The following FSTL5 variants were observed in gnomAD, a reference collection of about 807,000 sequenced individuals.
FSTL5 encodes the protein follistatin-related protein 5.
Under a neutral mutation model 89.1 loss-of-function variants are expected in FSTL5, and 62 were observed. The observed-to-expected ratio is 0.70, with a 90% CI of 0.57 to 0.86. The LOEUF (loss-of-function observed/expected upper bound fraction) is 0.86, where lower values mean the gene tolerates loss of function less well. Among genes scored for constraint, FSTL5 ranks in the 40% least tolerant of loss-of-function variants. The probability of loss-of-function intolerance (pLI) is 0.00; values close to 1 mark genes in which losing one functional copy is unlikely to be tolerated. For synonymous variants in FSTL5, 383 were observed against 346.2 expected (o/e 1.11, Z -1.18); for missense variants, 1,057 against 1,001.6 (o/e 1.06, Z -0.75).
chr4:161,412,457 A>C (rs1731626009), intron 15 of FSTL5, among the ~76,000 whole-genome samples: 1 of 151,888 alleles, frequency 6.6e-6, no homozygotes, highest in African/African-American at 2.4e-5. Context: ...CAATGAGAAC[A>C]CTTAGACACA....
At chr4:161,985,428 G>A (rs2116289) in intron 3 of FSTL5, among the ~76,000 whole-genome samples, 58,435 of 151,678 alleles carry the variant, frequency 0.39, 11,538 homozygotes, top group Middle Eastern at 0.56. Context: ...AGACAAATTT[G>A]TGATTTACCC....
At position 162,157,106 on chromosome 4, in the gene FSTL5, G is replaced by A. The variant is rs759570680; in HGVS notation, c.-17+6509C>T. 3.9e-4 allele frequency among the ~76,000 whole-genome samples: 59 copies of A among 152,162 alleles called. 1 individual carries two copies. The highest frequency in any genetic ancestry group is 7.9e-4 in the Non-Finnish European group (54 of 67,992). Reference sequence around the variant, plus strand: ...GTGCAAAGAATGTCAAAATAATTTTGTCTCAGTTTGGACAGTCTGGGTCAA... The same window carrying A: ...GTGCAAAGAATGTCAAAATAATTTTATCTCAGTTTGGACAGTCTGGGTCAA... On this transcript the variant is annotated intron_variant, in intron 1 of 15. Coordinates refer to ENST00000306100, the MANE Select transcript of FSTL5 (RefSeq NM_020116.5).
chr4:161,683,779 T>A (rs1348450588), intron 6 of FSTL5, among the ~76,000 whole-genome samples: 1 of 152,144 alleles, frequency 6.6e-6, no homozygotes, highest in Non-Finnish European at 1.5e-5. Context: ...TATTGGGGAA[T>A]GGGTGGTGTT....
chr4:161,458,253 C>T (rs183282605), intron 14 of FSTL5, among the ~76,000 whole-genome samples: 1 of 152,252 alleles, frequency 6.6e-6, no homozygotes, highest in Non-Finnish European at 1.5e-5. Flanking sequence ...AATTTTAAGA[C>T]CTCACATTCT....
chr4:161,671,494 GA>G (rs1737112603), intron 6 of FSTL5, among the ~76,000 whole-genome samples: 1 of 152,122 alleles, frequency 6.6e-6, no homozygotes, highest in Non-Finnish European at 1.5e-5. Context: ...GAGTTTTTAC[GA>G]AAAGTTGCCT....
intron 7 of FSTL5, among the ~76,000 whole-genome samples, chr4:161,628,959 G>T (rs1371774005): frequency 6.6e-6 from 1 of 152,096 alleles, no homozygotes; most frequent in African/African-American, 2.4e-5. Context: ...TTATAATTTT[G>T]GTATTTATTA....
At chr4:161,661,535 C>T (rs1736710888) in intron 6 of FSTL5, among the ~76,000 whole-genome samples, 1 of 152,018 alleles carries the variant, frequency 6.6e-6, no homozygotes, top group Non-Finnish European at 1.5e-5. Flanking sequence ...TAGTTATTCT[C>T]ATATAAGATA....
intron 10 of FSTL5, among the ~76,000 whole-genome samples, chr4:161,514,652 T>C (rs1267333919): frequency 2.6e-5 from 4 of 152,162 alleles, no homozygotes; most frequent in African/African-American, 9.6e-5. Flanking sequence ...AGAATCAAAA[T>C]ATTGAATTGT....
rs1735523461 is a variant in FSTL5, at chr4:161,972,816, G to A, written c.161-52164C>T. 2.0e-5 allele frequency among the ~76,000 whole-genome samples: 3 copies of A among 152,170 alleles called. No individual in the cohort carries two copies. The South Asian group carries it at 6.2e-4, about 32-fold the overall frequency. ...TTGTGGTAATTTATTACCAGAAATA[G>A]AAAATAGGGTGCCATCACTTTCACA... On this transcript the variant is annotated intron_variant, in intron 3 of 15. Coordinates refer to ENST00000306100, the MANE Select transcript of FSTL5 (RefSeq NM_020116.5).
intron 1 of FSTL5, among the ~76,000 whole-genome samples, chr4:162,152,995 T>A (rs1480281496): frequency 6.6e-6 from 1 of 152,192 alleles, no homozygotes; most frequent in Non-Finnish European, 1.5e-5. Flanking sequence ...CTTCCGGTTT[T>A]TGCCAACAAT....
intron 4 of FSTL5, among the ~76,000 whole-genome samples, chr4:161,832,454 G>T (rs532907619): frequency 6.6e-6 from 1 of 152,114 alleles, no homozygotes; most frequent in African/African-American, 2.4e-5. Context: ...CAGAAGGAAT[G>T]GTACCAGTTC....
At chr4:162,077,255 T>C (rs1729889890) in intron 2 of FSTL5, among the ~76,000 whole-genome samples, 1 of 151,722 alleles carries the variant, frequency 6.6e-6, no homozygotes, top group South Asian at 2.1e-4. Context: ...ACTGGTCCTG[T>C]TATAATGAGC....
At chr4:161,709,914 G>T (rs192593164) in intron 6 of FSTL5, among the ~76,000 whole-genome samples, 183 of 152,210 alleles carry the variant, frequency 1.2e-3, no homozygotes, top group African/African-American at 4.2e-3. Context: ...AATTTTGGTG[G>T]CAGTAATAGC....
intron 6 of FSTL5, among the ~76,000 whole-genome samples, chr4:161,686,062 A>C (rs530529981): frequency 7.3e-5 from 11 of 151,538 alleles, no homozygotes; most frequent in Admixed American, 2.6e-4. Context: ...ACATTTATTG[A>C]CTTGCGTATG....
At chr4:161,703,261 T>C (rs1738463666) in intron 6 of FSTL5, among the ~76,000 whole-genome samples, 1 of 152,124 alleles carries the variant, frequency 6.6e-6, no homozygotes, top group African/African-American at 2.4e-5. Context: ...CAGTACTTGA[T>C]CCTTGCCTCT....
intron 8 of FSTL5, among the ~76,000 whole-genome samples, chr4:161,574,336 T>C (rs1454500423): frequency 6.7e-6 from 1 of 148,664 alleles, no homozygotes; most frequent in Non-Finnish European, 1.5e-5. Flanking sequence ...CCTTTTTCTT[T>C]TTTTTTTCTT....
chr4:161,866,240 T>C (rs1204121763), intron 4 of FSTL5, among the ~76,000 whole-genome samples: 1 of 152,178 alleles, frequency 6.6e-6, no homozygotes, highest in Non-Finnish European at 1.5e-5. Flanking sequence ...CCAGAAATAT[T>C]AATTTATTTT....
chr4:161,517,348 T>G (rs1262560425), intron 10 of FSTL5, among the ~76,000 whole-genome samples: 1 of 152,164 alleles, frequency 6.6e-6, no homozygotes, highest in Non-Finnish European at 1.5e-5. Flanking sequence ...AATTGAACAA[T>G]AAAACCCTCA....
chr4:161,939,622 A>C (rs956556733), intron 3 of FSTL5, among the ~76,000 whole-genome samples: 1 of 151,968 alleles, frequency 6.6e-6, no homozygotes, highest in Non-Finnish European at 1.5e-5. Flanking sequence ...GTAGAGGAAG[A>C]ATTGATTTTT....
Sources: gnomAD v4.1 joint callset for allele counts (sites outside exome capture counted in the v4.1 genomes callset) on GRCh38, gnomAD v4.1.1 for gene constraint, MANE v1.5 for transcripts, NCBI Gene and HGNC (gene_info 2026-07-23, HGNC 2026-07-21) for gene names.